ART3: variants seen among roughly 807,000 people sequenced by gnomAD.
ART3 encodes the protein ADP-ribosyltransferase 3 (inactive).
A neutral mutation model predicts 48.5 loss-of-function variants in ART3; 49 were observed. The observed-to-expected ratio is 1.01, with a 90% CI of 0.80 to 1.28. The LOEUF is 1.28. ART3 is among the 50% of genes most tolerant of loss of function. The pLI, the probability that ART3 is intolerant of heterozygous loss-of-function variation, is 0.00. For synonymous variants in ART3, 145 were observed against 157.2 expected (o/e 0.92, Z 0.58); for missense variants, 438 against 454.3 (o/e 0.96, Z 0.33).
chr4:76,100,470 A>G, intron 6 of ART3, 150 bp downstream of exon 6: 1 of 826,708 alleles, frequency 1.2e-6, no homozygotes, highest in Non-Finnish European at 1.9e-6. Context: ...ATCTTTACTA[A>G]AAATACAAAA....
At chr4:76,049,708 G>T (rs906734791) in intron 1 of ART3, among the ~76,000 whole-genome samples, 1 of 151,914 alleles carries the variant, frequency 6.6e-6, no homozygotes, top group Non-Finnish European at 1.5e-5. Context: ...ACTGCTTGGC[G>T]ATAGGCGATT....
chr4:76,071,581 TCTTAAACAAAA>T (rs1434197155), upstream of ART3, among the ~76,000 whole-genome samples: 1 of 152,342 alleles, frequency 6.6e-6, no homozygotes, highest in Non-Finnish European at 1.5e-5. Context: ...TCAGACCTGC[TCTTAAACAAAA>T]CTTTCAATAT....
chr4:76,107,723 A>G (rs762418580), intron 10 of ART3, 38 bp from the exon 11 acceptor site: 2 of 1,314,658 alleles, frequency 1.5e-6, no homozygotes, highest in South Asian at 1.3e-5. Context: ...ATAAACAGAT[A>G]TACAATATAA....
At chr4:76,108,709 C>T (rs375469200) in intron 11 of ART3, among the ~76,000 whole-genome samples, 1 of 152,080 alleles carries the variant, frequency 6.6e-6, no homozygotes, top group Admixed American at 6.5e-5. Flanking sequence ...GTGATTTTGT[C>T]GTTGTGCAAA....
At chr4:76,058,416 G>A (rs1362212139) in intron 1 of ART3, among the ~76,000 whole-genome samples, 1 of 152,140 alleles carries the variant, frequency 6.6e-6, no homozygotes, top group African/African-American at 2.4e-5. Context: ...TGCCAGAGGT[G>A]TAAAGTTTCA....
chr4:76,100,863 A>C (rs570960903), intron 7 of ART3, 39 bp downstream of exon 7: 3 of 1,603,724 alleles, frequency 1.9e-6, no homozygotes, highest in Middle Eastern at 1.7e-4. Flanking sequence ...CTTACATTTT[A>C]CAAGATACCT....
rs566284444 is a variant in ART3 at position 76,055,989 on chromosome 4, T to C, written c.-9-19892T>C. Among the ~76,000 whole-genome samples the C allele has an allele frequency of 6.6e-5, 10 of 152,284 alleles. No homozygotes were observed. The East Asian group carries it at 1.9e-3, about 29-fold the overall frequency. On this transcript the variant is annotated intron_variant, in intron 1 of 9. Coordinates refer to the ART3 transcript ENST00000341029. ...CAGTAACTGATGTCAGTGCAATAGG[T>C]AGCCAGCAGGTCAACTCCTGTCCCT... is the stretch of plus-strand genomic sequence containing the variant.
rs189557637 is a variant in ART3 at position 76,027,789 on chromosome 4, A to G, written c.-10+16469A>G. ...ACCAGTCAGGAAGATTGGTAGACTC[A>G]TAGGGGTGATAATGCCGTGTTAGGA... On this transcript the variant is annotated intron_variant, in intron 1 of 9. Transcript: ENST00000341029. Among the ~76,000 whole-genome samples, 1,141 of 140,650 alleles carry G rather than the reference A, an allele frequency of 8.1e-3. 5 individuals carry two copies. Among genetic ancestry groups the G allele is most frequent in the Non-Finnish European group, 0.011 (739 of 65,838 alleles). The allele number at this position is 140,650 out of a possible 152,430, so 92.3% of individuals were successfully genotyped here. A position where few individuals can be genotyped will look rare whatever the true frequency, so the allele number is the denominator to read the frequency against.
At chr4:76,088,227 A>C (rs1019266065) in intron 3 of ART3, among the ~76,000 whole-genome samples, 1 of 145,444 alleles carries the variant, frequency 6.9e-6, no homozygotes, top group African/African-American at 2.6e-5. Context: ...ATAGTAGAGC[A>C]CATATCATCC....
intron 2 of ART3, among the ~76,000 whole-genome samples, chr4:76,079,962 T>A (rs1560621756): frequency 6.6e-6 from 1 of 152,018 alleles, no homozygotes; most frequent in Non-Finnish European, 1.5e-5. Context: ...TTTTTAAGTA[T>A]CATTCACATA....
intron 1 of ART3, among the ~76,000 whole-genome samples, chr4:76,043,292 C>T (rs957266943): frequency 9.9e-5 from 15 of 152,118 alleles, no homozygotes; most frequent in African/African-American, 3.4e-4. Flanking sequence ...TGCTGTGTGC[C>T]CACACTCCTC....
chr4:76,042,456 G>A (rs1433840389), intron 1 of ART3, among the ~76,000 whole-genome samples: 1 of 152,188 alleles, frequency 6.6e-6, no homozygotes, highest in Non-Finnish European at 1.5e-5. Flanking sequence ...GGAAGAGGTT[G>A]CCAGGCATGT....
At chr4:76,023,563 G>C in intron 1 of ART3, 1 of 781,650 alleles carries the variant, frequency 1.3e-6, no homozygotes, top group Non-Finnish European at 2.2e-6. Context: ...ATTCTGATTG[G>C]ATAAGGGCAT....
At chr4:76,020,676 G>A (rs1289032374) in intron 1 of ART3, among the ~76,000 whole-genome samples, 1 of 152,114 alleles carries the variant, frequency 6.6e-6, no homozygotes, top group Non-Finnish European at 1.5e-5. Flanking sequence ...GGATATTCAA[G>A]TGGACATGTC....
At chr4:76,079,355 G>C (rs560713958) in intron 2 of ART3, among the ~76,000 whole-genome samples, 1 of 152,242 alleles carries the variant, frequency 6.6e-6, no homozygotes, top group African/African-American at 2.4e-5. Context: ...AATGAAAAAT[G>C]GTTTTAAATA....
rs778077910 is a variant in ART3, at chr4:76,099,501, T to C, written c.847+514T>C. On this transcript the variant is annotated intron_variant, in intron 5 of 11. Transcript: ENST00000355810. ...TGGCTTCGTGGAGATCTGAACAATA[T>C]GGAAATTTTCCGGGGAATACGGGTG... is the stretch of plus-strand genomic sequence containing the variant. The C allele has an allele frequency of 5.9e-5, 10 of 168,200 alleles. 1 individual carries two copies. The highest frequency in any genetic ancestry group is 1.2e-4 in the Non-Finnish European group (9 of 77,726). The allele number at this position is 168,200 out of a possible 1,614,324, so 10.4% of individuals were successfully genotyped here. A position where few individuals can be genotyped will look rare whatever the true frequency, so the allele number is the denominator to read the frequency against.
chr4:76,087,884 A>G (rs894534964), intron 3 of ART3, among the ~76,000 whole-genome samples: 1 of 152,204 alleles, frequency 6.6e-6, no homozygotes, highest in African/African-American at 2.4e-5. Flanking sequence ...AAAATGCGAT[A>G]AAGTTGAAAT....
At chr4:76,043,391 G>T (rs1029405460) in intron 1 of ART3, among the ~76,000 whole-genome samples, 9 of 151,988 alleles carry the variant, frequency 5.9e-5, no homozygotes, top group Admixed American at 1.3e-4. Context: ...GCCCATGGAG[G>T]GGGTGGGAGG....
intron 10 of ART3, among the ~76,000 whole-genome samples, chr4:76,105,109 GATTT>G (rs914830290): frequency 4.0e-4 from 61 of 152,278 alleles, no homozygotes; most frequent in African/African-American, 1.4e-3. Context: ...TGCACTGTTG[GATTT>G]ATTTGGCCAC....
Sources: gnomAD v4.1 joint callset for allele counts (sites outside exome capture counted in the v4.1 genomes callset) on GRCh38, gnomAD v4.1.1 for gene constraint, MANE v1.5 for transcripts, NCBI Gene and HGNC (gene_info 2026-07-23, HGNC 2026-07-21) for gene names.